The following IL17RD variants were observed in gnomAD, a reference collection of about 807,000 sequenced individuals.
IL17RD encodes interleukin 17 receptor D.
Under a neutral mutation model 80.5 loss-of-function variants are expected in IL17RD, and 52 were observed. That is an observed-to-expected ratio of 0.65 (90% CI 0.52 to 0.81). The LOEUF is 0.81. IL17RD is among the 40% of genes least tolerant of loss of function. IL17RD has a pLI of 0.00. For synonymous variants in IL17RD, 416 were observed against 391.8 expected (o/e 1.06, Z -0.73); for missense variants, 1,024 against 955.1 (o/e 1.07, Z -0.95).
At position 57,142,212 on chromosome 3, in the gene IL17RD, C is replaced by T. The variant is rs74411185; in HGVS notation, c.127-21899G>A. 3.1e-4 allele frequency among the ~76,000 whole-genome samples: 47 copies of T among 152,310 alleles called. No homozygotes were observed. The East Asian group carries it at 7.7e-3, about 25-fold the overall frequency. On this transcript the variant is annotated intron_variant, in intron 1 of 12. Transcript: ENST00000296318. ...TTCCTTTCTTTACTGTTTTATTAAA[C>T]TATGCAAGCACAGTACTTATAAACA...
intron 1 of IL17RD, among the ~76,000 whole-genome samples, chr3:57,149,849 T>C (rs17216900): frequency 0.28 from 42,700 of 152,106 alleles, 7,161 homozygotes; most frequent in East Asian, 0.55. Context: ...CCACAGGCCA[T>C]CTCAACTGAC....
Position 57,121,057 on chromosome 3 carries a change from T to C in IL17RD, c.127-744A>G, listed in dbSNP as rs116390942. ...CGCCTTTTCCACCACTTATGCATCA[T>C]GAGAAAGAGCAGCTACAGATCTACC... On this transcript the variant is annotated intron_variant, in intron 1 of 12. Transcript: ENST00000296318. Among the ~76,000 whole-genome samples, 1,059 of 152,268 alleles carry C rather than the reference T, an allele frequency of 7.0e-3. 11 individuals carry two copies. The highest frequency in any genetic ancestry group is 0.014 in the Middle Eastern group (4 of 294).
At chr3:57,102,217 C>T (rs1706847168) in intron 10 of IL17RD, among the ~76,000 whole-genome samples, 1 of 152,240 alleles carries the variant, frequency 6.6e-6, no homozygotes, top group African/African-American at 2.4e-5. Context: ...CTGCAGTGAG[C>T]TATGACTGTG....
intron 5 of IL17RD, among the ~76,000 whole-genome samples, chr3:57,106,805 T>C (rs59212041): frequency 6.6e-6 from 1 of 152,048 alleles, no homozygotes; most frequent in Admixed American, 6.6e-5. Flanking sequence ...AGAGTCTCCA[T>C]ATAATGCCAA....
intron 5 of IL17RD, among the ~76,000 whole-genome samples, chr3:57,108,127 T>C (rs2107479605): frequency 6.6e-6 from 1 of 151,884 alleles, no homozygotes; most frequent in African/African-American, 2.4e-5. Flanking sequence ...CGGCATGATC[T>C]CAGCTCACTG....
intron 12 of IL17RD, 118 bp downstream of exon 12, chr3:57,097,478 C>A: frequency 1.3e-6 from 1 of 747,014 alleles, no homozygotes; most frequent in Non-Finnish European, 2.3e-6. Flanking sequence ...GAGCTGTGTT[C>A]TCATCAGGTT....
intron 1 of IL17RD, among the ~76,000 whole-genome samples, chr3:57,121,491 C>A (rs996935808): frequency 3.3e-5 from 5 of 152,176 alleles, no homozygotes; most frequent in East Asian, 1.9e-4. Context: ...ACCCACCCCC[C>A]ACTCTAAGGT....
Position 57,127,370 on chromosome 3 carries a change from ATATAT to A in IL17RD, c.127-7062_127-7058del, listed in dbSNP as rs1332044383. Among the ~76,000 whole-genome samples the A allele has an allele frequency of 3.9e-3, 369 of 94,742 alleles. 24 individuals carry two copies. The highest frequency in any genetic ancestry group is 0.017 in the African/African-American group (358 of 20,510). The allele number at this position is 94,742 out of a possible 152,430, so 62.2% of individuals were successfully genotyped here. A position where few individuals can be genotyped will look rare whatever the true frequency, so the allele number is the denominator to read the frequency against. On this transcript the variant is annotated intron_variant, in intron 1 of 12. Coordinates refer to ENST00000296318, the MANE Select transcript of IL17RD (RefSeq NM_017563.5). ...TATAAATATATATAAATATAAATATATATATATAAATAAATAAATAAATAAATATA... is the reference window on the plus strand; with the variant it reads ...TATAAATATATATAAATATAAATATAATAAATAAATAAATAAATAAATATA...
intron 1 of IL17RD, among the ~76,000 whole-genome samples, chr3:57,126,979 C>G (rs1331808882): frequency 2.6e-5 from 4 of 151,320 alleles, no homozygotes; most frequent in Non-Finnish European, 5.9e-5. Context: ...TGCCCACCAC[C>G]ATGCCTGGCT....
At chr3:57,127,789 T>C (rs1707526636) in intron 1 of IL17RD, among the ~76,000 whole-genome samples, 1 of 152,146 alleles carries the variant, frequency 6.6e-6, no homozygotes, top group Non-Finnish European at 1.5e-5. Context: ...GCTTAAAACG[T>C]ACAACGGGAC....
intron 11 of IL17RD, among the ~76,000 whole-genome samples, chr3:57,100,424 A>C (rs1706801707): frequency 6.6e-6 from 1 of 152,242 alleles, no homozygotes; most frequent in Non-Finnish European, 1.5e-5. Context: ...CTTGCATGAG[A>C]GTTTCAGACT....
In IL17RD at chr3:57,165,163, T is replaced by A; in HGVS notation, c.124A>T (p.Arg42Trp). 1 of 1,522,738 alleles carries A rather than the reference T, an allele frequency of 6.6e-7. No homozygotes were observed. Among genetic ancestry groups the A allele is most frequent in the African/African-American group, 1.4e-5 (1 of 69,756 alleles). The allele number at this position is 1,522,738 out of a possible 1,614,324, so 94.3% of individuals were successfully genotyped here. Residue 42 changes from arginine (R) to tryptophan (W), a missense_variant and splice_region_variant, in exon 1 of 13, where the codon AGG becomes TGG. By Grantham distance (101) the Arg-to-Trp change is moderately radical (BLOSUM62 -3). Transcript: ENST00000296318. ...GAAACCCGCCGCCCTCGCCTTACCC[T>A]CCAGCCACAGGTGTCGGCGCCCCGC... ...RARGADTCGW[R>W]GVGPASRNSG...
intron 1 of IL17RD, among the ~76,000 whole-genome samples, chr3:57,148,446 A>G (rs1236103348): frequency 6.6e-6 from 1 of 152,246 alleles, no homozygotes; most frequent in Non-Finnish European, 1.5e-5. Flanking sequence ...ACCTCCAGTT[A>G]TAAGACCATA....
intron 11 of IL17RD, among the ~76,000 whole-genome samples, chr3:57,099,505 T>C (rs758272603): frequency 3.9e-5 from 6 of 152,228 alleles, no homozygotes; most frequent in Non-Finnish European, 8.8e-5. Flanking sequence ...GCAGCCACAC[T>C]ATCTTACAGG....
chr3:57,105,552 A>AAAATATATATAT, intron 7 of IL17RD, among the ~76,000 whole-genome samples: 2 of 63,584 alleles, frequency 3.1e-5, no homozygotes, highest in African/African-American at 9.3e-5. Flanking sequence ...AAAAAAAAAA[A>AAAATATATATAT]ATATATATAT....
At chr3:57,144,424 G>A (rs1179822534) in intron 1 of IL17RD, among the ~76,000 whole-genome samples, 2 of 152,128 alleles carry the variant, frequency 1.3e-5, no homozygotes, top group Non-Finnish European at 1.5e-5. Context: ...AGGCATTCTT[G>A]GTTCCTCTCC....
intron 9 of IL17RD, 24 bp downstream of exon 9, chr3:57,103,067 A>C (rs773442193): frequency 3.2e-6 from 5 of 1,570,020 alleles, no homozygotes; most frequent in African/African-American, 1.3e-5. Context: ...TCTAGAGCCA[A>C]ATTTCAAACA....
chr3:57,109,781 AGG>A, intron 4 of IL17RD, 124 bp from the exon 5 acceptor site: 1 of 981,302 alleles, frequency 1.0e-6, no homozygotes, highest in Non-Finnish European at 1.5e-6. Context: ...GACATGTTCC[AGG>A]GAAGCAGGAA....
In IL17RD at chr3:57,161,069, A is replaced by C. The variant is rs2060301635; in HGVS notation, c.126+4092T>G. Among the ~76,000 whole-genome samples, 3 of 152,352 alleles carry C rather than the reference A, an allele frequency of 2.0e-5. No individual in the cohort carries two copies. The South Asian group carries it at 6.2e-4, about 32-fold the overall frequency. On this transcript the variant is annotated intron_variant, in intron 1 of 12. Transcript: ENST00000296318. ...GGAGAGAAGGGAGGGCTGCTCAAGA[A>C]AGATGGACATGGGCCAGAAGAGTTC...
Sources: gnomAD v4.1 joint callset for allele counts (sites outside exome capture counted in the v4.1 genomes callset) on GRCh38, gnomAD v4.1.1 for gene constraint, MANE v1.5 for transcripts, NCBI Gene and HGNC (gene_info 2026-07-23, HGNC 2026-07-21) for gene names.